The following SCN9A variants were observed in gnomAD, a reference collection of about 807,000 sequenced individuals.
SCN9A encodes the protein sodium channel protein type 9 subunit alpha.
In SCN9A, 131 loss-of-function variants were observed where a neutral mutation model predicts 187.0. The ratio of observed to expected loss-of-function variants is 0.70; its 90% CI spans 0.61 to 0.81. The LOEUF (loss-of-function observed/expected upper bound fraction) is 0.81, where lower values mean the gene tolerates loss of function less well. Among genes scored for constraint, SCN9A ranks in the 30% least tolerant of loss-of-function variants. The pLI is 0.00. For missense variants in SCN9A, 2,252 were observed against 2,396.6 expected (o/e 0.94, Z 1.26); for synonymous variants, 809 against 808.6 (o/e 1.00, Z -0.01).
At chr2:166,347,866 T>G (rs1699939628) in intron 1 of SCN9A, among the ~76,000 whole-genome samples, 1 of 152,034 alleles carries the variant, frequency 6.6e-6, no homozygotes, top group African/African-American at 2.4e-5. Context: ...AGAACTTGTA[T>G]AATAAGGTCA....
intron 1 of SCN9A, among the ~76,000 whole-genome samples, chr2:166,340,868 C>A (rs1470862541): frequency 1.3e-5 from 2 of 152,124 alleles, no homozygotes; most frequent in African/African-American, 4.8e-5. Context: ...AGTGATCCAC[C>A]CACCTCAGCC....
intron 17 of SCN9A, among the ~76,000 whole-genome samples, chr2:166,268,823 A>C (rs1304101096): frequency 1.3e-5 from 2 of 151,930 alleles, no homozygotes; most frequent in African/African-American, 4.8e-5. Flanking sequence ...ACGTCATGGA[A>C]AATTTTTTAT....
At chr2:166,292,208 C>A (rs1378090044) in intron 9 of SCN9A, among the ~76,000 whole-genome samples, 1 of 152,042 alleles carries the variant, frequency 6.6e-6, no homozygotes. Context: ...CTACAAGTAA[C>A]TTAAACAAAT....
Position 166,226,608 on chromosome 2 carries a change from T to C in SCN9A, c.4357A>G (p.Ile1453Val). ...TTGAAATTATCTATGATGACACCAA[T>C]GAACAAGTTCAAAGTGAAGAATGAC... ...FGSFFTLNLF[I>V]GVIIDNFNQQ... is the part of the protein sequence containing the mutation. The change falls in exon 24 of 27, where the codon ATT becomes GTT. Residue 1453 changes from isoleucine (I) to valine (V), a missense_variant. By Grantham distance (29) the Ile-to-Val change is conservative. Around this residue, in one of 7 missense-constraint regions of SCN9A, gnomAD observed 368 missense variants for 408.6 expected, o/e 0.90. Transcript: ENST00000642356. 6.3e-7 allele frequency: 1 copy of C among 1,588,764 alleles called. No homozygotes were observed. Among genetic ancestry groups the C allele is most frequent in the Non-Finnish European group, 8.6e-7 (1 of 1,166,490 alleles).
chr2:166,352,047 C>T (rs957427349), intron 1 of SCN9A, among the ~76,000 whole-genome samples: 2 of 151,894 alleles, frequency 1.3e-5, no homozygotes, highest in East Asian at 1.9e-4. Flanking sequence ...TTAAGAAACA[C>T]GTACAATGTT....
chr2:166,239,767 G>T (rs191984079), intron 19 of SCN9A, among the ~76,000 whole-genome samples: 46 of 152,240 alleles, frequency 3.0e-4, no homozygotes, highest in African/African-American at 9.1e-4. Flanking sequence ...AACGAAGCCT[G>T]TTTCTAGAAC....
intron 18 of SCN9A, among the ~76,000 whole-genome samples, chr2:166,246,193 CAT>C (rs1695781108): frequency 6.6e-6 from 1 of 151,760 alleles, no homozygotes; most frequent in Non-Finnish European, 1.5e-5. Context: ...CTTAATAGGT[CAT>C]TTATAGTTGA....
chr2:166,328,279 C>G (rs1699413381), intron 1 of SCN9A, among the ~76,000 whole-genome samples: 1 of 151,410 alleles, frequency 6.6e-6, no homozygotes, highest in Non-Finnish European at 1.5e-5. Context: ...ATTTTAAGTT[C>G]AGGAGTACAA....
At chr2:166,337,312 A>G (rs1426316477) in intron 1 of SCN9A, among the ~76,000 whole-genome samples, 2 of 152,106 alleles carry the variant, frequency 1.3e-5, no homozygotes, top group Non-Finnish European at 2.9e-5. Context: ...AACAGGGAAG[A>G]AAAATGATAA....
chr2:166,251,637 C>A, intron 18 of SCN9A, 128 bp downstream of exon 18: 1 of 956,630 alleles, frequency 1.0e-6, no homozygotes, highest in Non-Finnish European at 1.6e-6. Flanking sequence ...CATCATACAG[C>A]TATAGCTGAA....
intron 23 of SCN9A, among the ~76,000 whole-genome samples, chr2:166,227,111 T>C (rs1047646314): frequency 9.9e-5 from 15 of 152,274 alleles, no homozygotes; most frequent in African/African-American, 3.6e-4. Flanking sequence ...AATACATCTT[T>C]ATTATATTTT....
At chr2:166,343,523 C>A (rs1699832960) in intron 1 of SCN9A, among the ~76,000 whole-genome samples, 1 of 150,416 alleles carries the variant, frequency 6.6e-6, no homozygotes, top group Non-Finnish European at 1.5e-5. Flanking sequence ...TGAGAAAGAA[C>A]CTGATTTGAA....
chr2:166,324,885 G>A (rs1699327353), intron 1 of SCN9A, among the ~76,000 whole-genome samples: 1 of 152,202 alleles, frequency 6.6e-6, no homozygotes, highest in African/African-American at 2.4e-5. Context: ...TAAATGTAAT[G>A]TGGTAGCCTG....
intron 1 of SCN9A, among the ~76,000 whole-genome samples, chr2:166,323,908 G>A (rs903353544): frequency 6.6e-6 from 1 of 151,478 alleles, no homozygotes; most frequent in African/African-American, 2.4e-5. Context: ...TAGAAAGCAA[G>A]TAGTGTTTAC....
At chr2:166,257,715 G>A (rs2106436380) in intron 17 of SCN9A, among the ~76,000 whole-genome samples, 1 of 151,324 alleles carries the variant, frequency 6.6e-6, no homozygotes, top group African/African-American at 2.4e-5. Context: ...ATGTTTATAT[G>A]TCTATGCATG....
In SCN9A at chr2:166,293,710, A is replaced by G. The variant is rs1675676767; in HGVS notation, c.966-338T>C. 5.3e-5 allele frequency among the ~76,000 whole-genome samples: 8 copies of G among 152,364 alleles called. No individual in the cohort carries two copies. The South Asian group carries it at 1.7e-3, about 32-fold the overall frequency. On this transcript the variant is annotated intron_variant, in intron 8 of 26. Coordinates refer to ENST00000642356, the MANE Select transcript of SCN9A (RefSeq NM_001365536.1). ...CCATTAGCATCATCATCATTAAAAC[A>G]TGGAAATTTTCAACAGACGTTTTGT...
In SCN9A at chr2:166,293,283, A is replaced by G. The variant is rs182188165; in HGVS notation, c.1055T>C (p.Leu352Ser). The G allele has an allele frequency of 4.4e-6, 7 of 1,599,032 alleles. No individual in the cohort carries two copies. The Admixed American group carries it at 8.7e-5, about 20-fold the overall frequency. ...TTGGGTCATTAGCCTAAACAAGGCT[A>G]AGAAGGCCCAGCTGAAAGTGTCAAA... ...TSFDTFSWAFLALFRLMTQDY... is the reference protein window; with the variant it reads ...TSFDTFSWAFSALFRLMTQDY... The change falls in exon 9 of 27, where the codon TTA becomes TCA. Residue 352 changes from leucine to serine, a missense_variant. Leu to Ser is a moderately radical substitution (Grantham distance 145). Around this residue, in one of 7 missense-constraint regions of SCN9A, gnomAD observed 1,013 missense variants for 997.4 expected, o/e 1.02. Coordinates refer to ENST00000642356, the MANE Select transcript of SCN9A (RefSeq NM_001365536.1).
chr2:166,368,490 G>A (rs917034088), intron 1 of SCN9A, among the ~76,000 whole-genome samples: 5 of 151,606 alleles, frequency 3.3e-5, no homozygotes, highest in Non-Finnish European at 5.9e-5. Context: ...AAAATTAGCC[G>A]GGCATGGTGG....
intron 24 of SCN9A, 137 bp from the exon 25 acceptor site, chr2:166,204,601 T>G (rs1310883974): frequency 1.2e-5 from 6 of 484,296 alleles, no homozygotes; most frequent in Non-Finnish European, 1.8e-5. Context: ...TAGCTATACA[T>G]AAAATATATC....
Sources: allele counts gnomAD v4.1 joint callset (sites outside exome capture counted in the v4.1 genomes callset), GRCh38; gene constraint gnomAD v4.1.1; regional missense constraint gnomAD v4.1.1; transcripts MANE v1.5; gene names NCBI Gene and HGNC (gene_info 2026-07-23, HGNC 2026-07-21).